SLC44A5: variants seen among roughly 807,000 people sequenced by gnomAD.
SLC44A5 encodes the protein solute carrier family 44 member 5.
SLC44A5 carries 57 observed loss-of-function variants against 101.8 expected under a neutral mutation model. The ratio of observed to expected loss-of-function variants is 0.56; its 90% CI spans 0.45 to 0.70. The LOEUF (loss-of-function observed/expected upper bound fraction) is 0.70. Ranked by LOEUF, SLC44A5 falls within the 30% of genes least tolerant of loss-of-function variation. SLC44A5 has a pLI of 0.00. For missense variants in SLC44A5, 737 were observed against 853.1 expected (o/e 0.86, Z 1.70); for synonymous variants, 281 against 290.9 (o/e 0.97, Z 0.35).
At chr1:75,518,541 T>C in intron 2 of SLC44A5, among the ~76,000 whole-genome samples, 1 of 152,284 alleles carries the variant, frequency 6.6e-6, no homozygotes, top group East Asian at 1.9e-4. Context: ...TCAATAGATG[T>C]TGCTAAGCAA....
At chr1:75,479,830 G>A (rs1570406465) in intron 2 of SLC44A5, among the ~76,000 whole-genome samples, 1 of 152,320 alleles carries the variant, frequency 6.6e-6, no homozygotes, top group East Asian at 1.9e-4. Context: ...GTACAAGGAG[G>A]AACTGGTATC....
chr1:75,666,186 C>T, the SLC44A5 span, among the ~76,000 whole-genome samples: 2 of 152,078 alleles, frequency 1.3e-5, no homozygotes, highest in African/African-American at 4.8e-5. Context: ...TTCATTGCAG[C>T]ACTATCACAA....
the SLC44A5 span, among the ~76,000 whole-genome samples, chr1:75,617,044 C>T: frequency 6.6e-6 from 1 of 152,128 alleles, no homozygotes; most frequent in Non-Finnish European, 1.5e-5. Flanking sequence ...GCTGGCGTCC[C>T]AGAACTGCAA....
chr1:75,506,691 T>C (rs565475003), intron 2 of SLC44A5, among the ~76,000 whole-genome samples: 1 of 152,224 alleles, frequency 6.6e-6, no homozygotes, highest in African/African-American at 2.4e-5. Context: ...ATTGATTTTG[T>C]ATGCTGACAC....
the SLC44A5 span, among the ~76,000 whole-genome samples, chr1:75,698,759 A>T: frequency 6.6e-6 from 1 of 152,170 alleles, no homozygotes; most frequent in South Asian, 2.1e-4. Flanking sequence ...CTTTGAAAAA[A>T]ATTTAGAAGA....
chr1:75,412,422 G>C (rs1663338814), intron 2 of SLC44A5, among the ~76,000 whole-genome samples: 1 of 152,088 alleles, frequency 6.6e-6, no homozygotes, highest in Admixed American at 6.6e-5. Context: ...TCTATGCATT[G>C]AGCTTAGATC....
the SLC44A5 span, among the ~76,000 whole-genome samples, chr1:75,699,946 G>C: frequency 6.6e-6 from 1 of 152,040 alleles, no homozygotes; most frequent in Admixed American, 6.6e-5. Flanking sequence ...AATTCAACAA[G>C]AAGAGCTAAC....
chr1:75,472,871 T>G (rs1889036), intron 2 of SLC44A5, among the ~76,000 whole-genome samples: 43,972 of 152,000 alleles, frequency 0.29, 7,143 homozygotes, highest in East Asian at 0.79. Context: ...ACTTAAATCC[T>G]TCTCATAGAC....
At chr1:75,421,275 G>C (rs1663986553) in intron 2 of SLC44A5, among the ~76,000 whole-genome samples, 1 of 151,944 alleles carries the variant, frequency 6.6e-6, no homozygotes, top group African/African-American at 2.4e-5. Context: ...TCTAGGACTA[G>C]GAACCCTGCA....
intron 2 of SLC44A5, among the ~76,000 whole-genome samples, chr1:75,400,670 G>T (rs1030001040): frequency 7.9e-5 from 12 of 152,142 alleles, no homozygotes; most frequent in Non-Finnish European, 1.6e-4. Flanking sequence ...TTCTGCCTTA[G>T]TTGCTTTGCC....
the SLC44A5 span, among the ~76,000 whole-genome samples, chr1:75,717,340 CAA>C: frequency 3.4e-4 from 33 of 97,708 alleles, no homozygotes; most frequent in Non-Finnish European, 4.7e-4. Context: ...GACCCTGTCT[CAA>C]AAAAAAAAAA....
chr1:75,315,024 A>G (rs1474181641), intron 4 of SLC44A5, among the ~76,000 whole-genome samples: 2 of 152,126 alleles, frequency 1.3e-5, no homozygotes, highest in African/African-American at 4.8e-5. Context: ...TCTATCTACA[A>G]TTAACACCTG....
At chr1:75,575,165 T>G (rs147215931) in intron 1 of SLC44A5, among the ~76,000 whole-genome samples, 3 of 152,250 alleles carry the variant, frequency 2.0e-5, no homozygotes, top group Non-Finnish European at 4.4e-5. Context: ...TCAAGTTTCT[T>G]AACTCTGTCA....
At chr1:75,293,256 A>G (rs1366339610) in intron 5 of SLC44A5, among the ~76,000 whole-genome samples, 1 of 152,192 alleles carries the variant, frequency 6.6e-6, no homozygotes, top group African/African-American at 2.4e-5. Flanking sequence ...ATGATCTAAC[A>G]TTATCTCTCA....
intron 2 of SLC44A5, among the ~76,000 whole-genome samples, chr1:75,420,342 A>G (rs1663927094): frequency 6.6e-6 from 1 of 152,192 alleles, no homozygotes; most frequent in Admixed American, 6.5e-5. Flanking sequence ...ATTGGTGTAG[A>G]TAAAGTACAA....
chr1:75,438,723 T>A (rs1477247206), intron 2 of SLC44A5, among the ~76,000 whole-genome samples: 1 of 152,134 alleles, frequency 6.6e-6, no homozygotes, highest in African/African-American at 2.4e-5. Context: ...CCTGGGACTC[T>A]TTCTGAAGAA....
At chr1:75,533,039 A>C (rs1339967809) in intron 2 of SLC44A5, among the ~76,000 whole-genome samples, 1 of 152,186 alleles carries the variant, frequency 6.6e-6, no homozygotes. Flanking sequence ...GTCCCATTCC[A>C]TGCTCTACTC....
At chr1:75,698,021 G>C in the SLC44A5 span, among the ~76,000 whole-genome samples, 1 of 152,178 alleles carries the variant, frequency 6.6e-6, no homozygotes, top group Non-Finnish European at 1.5e-5. Flanking sequence ...GAGTCTCACT[G>C]ATTGCTAGCA....
intron 1 of SLC44A5, among the ~76,000 whole-genome samples, chr1:75,599,637 T>A (rs901072992): frequency 6.6e-6 from 1 of 152,042 alleles, no homozygotes; most frequent in Non-Finnish European, 1.5e-5. Flanking sequence ...GATGGGAAAT[T>A]TTACAGAGAA....
Sources: gnomAD v4.1 joint callset for allele counts (sites outside exome capture counted in the v4.1 genomes callset) on GRCh38, gnomAD v4.1.1 for gene constraint, MANE v1.5 for transcripts, NCBI Gene and HGNC (gene_info 2026-07-23, HGNC 2026-07-21) for gene names.